Variants in PRKAR1A observed in about 807,000 individuals in gnomAD.
PRKAR1A encodes the protein cAMP-dependent protein kinase type I-alpha regulatory subunit.
Under a neutral mutation model 52.0 loss-of-function variants are expected in PRKAR1A, and 3 were observed. The ratio of observed to expected loss-of-function variants is 0.06; its 90% CI spans 0.03 to 0.15. PRKAR1A has a LOEUF of 0.15. PRKAR1A is among the 10% of genes least tolerant of loss of function. The probability of loss-of-function intolerance (pLI) is 1.00; values close to 1 mark genes in which losing one functional copy is unlikely to be tolerated. For missense variants in PRKAR1A, 240 were observed against 477.4 expected, an observed-to-expected ratio of 0.50 and a Z score of 4.63; for synonymous variants, 188 against 168.4, an observed-to-expected ratio of 1.12 and a Z score of -0.90.
chr17:68,489,383 GTATATATATATATGGAAAGTA>G, the PRKAR1A span, among the ~76,000 whole-genome samples: 316 of 38,340 alleles, frequency 8.2e-3, 28 homozygotes, highest in African/African-American at 0.018. Flanking sequence ...TATATGGAAA[GTATATATATATATGGAAAGTA>G]TATATATATA....
the PRKAR1A span, chr17:68,428,712 G>T: frequency 1.3e-6 from 1 of 766,850 alleles, no homozygotes; most frequent in Non-Finnish European, 2.2e-6. Flanking sequence ...TTGCCACTGA[G>T]ACTGCCAGTG....
chr17:68,424,626 A>C, the PRKAR1A span: 3 of 418,674 alleles, frequency 7.2e-6, no homozygotes, highest in Non-Finnish European at 1.4e-5. Context: ...CTGTAATCCT[A>C]GCACTTTGGG....
chr17:68,414,885 T>C, the PRKAR1A span, among the ~76,000 whole-genome samples: 4 of 152,208 alleles, frequency 2.6e-5, no homozygotes, highest in Admixed American at 2.6e-4. Context: ...ATATCTCCTG[T>C]TTTGTTTCTT....
At chr17:68,445,399 C>G in the PRKAR1A span, among the ~76,000 whole-genome samples, 1 of 152,282 alleles carries the variant, frequency 6.6e-6, no homozygotes, top group East Asian at 1.9e-4. Flanking sequence ...GGTTTTACCC[C>G]TCTCTGAATA....
intron 5 of PRKAR1A, among the ~76,000 whole-genome samples, chr17:68,524,329 C>T (rs1365137576): frequency 2.6e-5 from 4 of 151,950 alleles, no homozygotes; most frequent in Non-Finnish European, 5.9e-5. Context: ...ATTGTCTTAC[C>T]TTGAATGTCA....
the PRKAR1A span, among the ~76,000 whole-genome samples, chr17:68,499,368 A>AAGAGAGAG: frequency 0.024 from 3,305 of 140,314 alleles, 106 homozygotes; most frequent in Admixed American, 0.1. Context: ...AAGGGAGGAA[A>AAGAGAGAG]AGAGAGAGAG....
At chr17:68,514,399 T>C (rs780399471) in intron 1 of PRKAR1A, among the ~76,000 whole-genome samples, 4 of 152,208 alleles carry the variant, frequency 2.6e-5, no homozygotes, top group Non-Finnish European at 5.9e-5. Flanking sequence ...CTTAAGTGCT[T>C]AGTAATTAGG....
At chr17:68,470,723 C>T in the PRKAR1A span, among the ~76,000 whole-genome samples, 3 of 152,112 alleles carry the variant, frequency 2.0e-5, no homozygotes, top group South Asian at 6.2e-4. Context: ...AAAACATGTG[C>T]CTTTGTGAAG....
At chr17:68,529,741 C>T (rs1161727914) in intron 9 of PRKAR1A, among the ~76,000 whole-genome samples, 179 bp from the exon 10 acceptor site, 1 of 152,234 alleles carries the variant, frequency 6.6e-6, no homozygotes, top group Non-Finnish European at 1.5e-5. Context: ...TACGAAGAAC[C>T]TCGCTAGCAG....
the PRKAR1A span, among the ~76,000 whole-genome samples, chr17:68,500,680 A>AT: frequency 5.9e-5 from 9 of 151,414 alleles, no homozygotes; most frequent in Non-Finnish European, 1.0e-4. Context: ...CGCCCGGCTA[A>AT]TTTTTTTTCT....
chr17:68,516,933 TC>T (rs2085453403), intron 2 of PRKAR1A, among the ~76,000 whole-genome samples: 1 of 152,222 alleles, frequency 6.6e-6, no homozygotes, highest in Non-Finnish European at 1.5e-5. Context: ...TGATCCCTCT[TC>T]TTTGGACATC....
At position 68,540,667 on chromosome 17, in the gene PRKAR1A, T is replaced by TGA. The variant is rs943369099; in HGVS notation, c.974-10417_974-10416insGA. ...GACCCCTTGAGCTTCTTCCAGTTCT[T>TGA]TGAAGAGAGGGGAGCCTGTTACCTT... On this transcript the variant is annotated intron_variant, in intron 11 of 11. Transcript: ENST00000585981. 102 of 773,096 alleles carry TGA rather than the reference T, an allele frequency of 1.3e-4. No individual in the cohort carries two copies. The African/African-American group carries it at 1.7e-3, about 13-fold the overall frequency. 47.9% of individuals were successfully genotyped at this position (773,096 alleles called of 1,614,324 possible).
At chr17:68,550,960 C>G (rs958793925) in intron 11 of PRKAR1A, 5 of 810,018 alleles carry the variant, frequency 6.2e-6, no homozygotes, top group African/African-American at 3.6e-5. Flanking sequence ...AATGGGCCTC[C>G]CCTTGAATGG....
At chr17:68,500,274 G>C in the PRKAR1A span, among the ~76,000 whole-genome samples, 4 of 152,334 alleles carry the variant, frequency 2.6e-5, no homozygotes, top group East Asian at 7.7e-4. Flanking sequence ...CCAGGTGGGA[G>C]ATAATTGAAT....
the PRKAR1A span, among the ~76,000 whole-genome samples, chr17:68,417,772 G>A: frequency 1.2e-5 from 1 of 85,156 alleles, no homozygotes; most frequent in Non-Finnish European, 2.1e-5. Flanking sequence ...TTTTGAGATG[G>A]AGTCTCACAT....
At chr17:68,539,927 A>G in intron 11 of PRKAR1A, 1 of 1,614,124 alleles carries the variant, frequency 6.2e-7, no homozygotes, top group Non-Finnish European at 8.5e-7. Flanking sequence ...ATCATCCCCG[A>G]ACTTGGTGAA....
chr17:68,521,235 T>A (rs1357470507), intron 2 of PRKAR1A, among the ~76,000 whole-genome samples: 1 of 151,986 alleles, frequency 6.6e-6, no homozygotes, highest in Non-Finnish European at 1.5e-5. Flanking sequence ...CCACCATGCC[T>A]GGCCTATTTT....
In PRKAR1A at chr17:68,525,739, T is replaced by C; in HGVS notation, c.550-15T>C. 1.2e-6 allele frequency: 2 copies of C among 1,613,770 alleles called. No individual in the cohort carries two copies. The highest frequency in any genetic ancestry group is 1.7e-6 in the Non-Finnish European group (2 of 1,179,736). On this transcript the variant is annotated splice_polypyrimidine_tract_variant and intron_variant, in intron 6 of 10. Transcript: ENST00000589228. ...ATCTAGAAAATAAACTTTTTTGATGTCACTTGCACTTTAGGTCTATGTTAA... is the reference window on the plus strand; with the variant it reads ...ATCTAGAAAATAAACTTTTTTGATGCCACTTGCACTTTAGGTCTATGTTAA...
the PRKAR1A span, among the ~76,000 whole-genome samples, chr17:68,433,837 C>T: frequency 1.6e-5 from 2 of 123,566 alleles, no homozygotes; most frequent in South Asian, 2.8e-4. Context: ...GGCTGGAGTA[C>T]GGTGGCTTGA....
Sources: gnomAD v4.1 joint callset for allele counts (sites outside exome capture counted in the v4.1 genomes callset) on GRCh38, gnomAD v4.1.1 for gene constraint, MANE v1.5 for transcripts, NCBI Gene and HGNC (gene_info 2026-07-23, HGNC 2026-07-21) for gene names.